Variants in CATSPERB observed in about 807,000 individuals in gnomAD.
CATSPERB encodes the protein cation channel sperm-associated auxiliary subunit beta.
A neutral mutation model predicts 128.3 loss-of-function variants in CATSPERB; 93 were observed. That is an observed-to-expected ratio of 0.72 (90% CI 0.61 to 0.86). CATSPERB has a LOEUF of 0.86. CATSPERB is among the 40% of genes least tolerant of loss of function. CATSPERB has a pLI of 0.00. For missense variants in CATSPERB, 1,153 were observed against 1,329.5 expected (o/e 0.87, Z 2.06); for synonymous variants, 381 against 448.8 (o/e 0.85, Z 1.91).
intron 10 of CATSPERB, among the ~76,000 whole-genome samples, chr14:91,686,568 T>C (rs1408385802): frequency 6.6e-6 from 1 of 152,186 alleles, no homozygotes; most frequent in African/African-American, 2.4e-5. Context: ...CTTCTACCTT[T>C]GGAACACTGT....
In CATSPERB at chr14:91,608,318, T is replaced by C. The variant is rs1187290922; in HGVS notation, c.2685A>G (p.Pro895=). 1 of 1,608,620 alleles carries C rather than the reference T, an allele frequency of 6.2e-7. No homozygotes were observed. The highest frequency in any genetic ancestry group is 2.2e-5 in the East Asian group (1 of 44,746). ...CCTTTGACATGTGAAACATGTTTCTTGGTATGGGTTTGCTAGGATCTGCAT... is the reference window on the plus strand; with the variant it reads ...CCTTTGACATGTGAAACATGTTTCTCGGTATGGGTTTGCTAGGATCTGCAT... ...FYHADPSKPI[P]RNMFHMSKKT... The change falls in exon 22 of 27, where the codon CCA becomes CCG. Residue 895 remains proline (P), a synonymous_variant. Coordinates refer to ENST00000256343, the MANE Select transcript of CATSPERB (RefSeq NM_024764.4).
intron 17 of CATSPERB, among the ~76,000 whole-genome samples, chr14:91,629,817 C>T (rs752555484): frequency 9.2e-5 from 14 of 152,064 alleles, no homozygotes; most frequent in Non-Finnish European, 1.9e-4. Flanking sequence ...GGTGATTAAG[C>T]ACTGCTGTTC....
intron 10 of CATSPERB, 138 bp downstream of exon 10, chr14:91,691,385 A>T (rs1308232488): frequency 5.0e-6 from 2 of 398,958 alleles, no homozygotes; most frequent in Non-Finnish European, 8.5e-6. Context: ...ATATAAAAAA[A>T]TATATATTTT....
intron 7 of CATSPERB, among the ~76,000 whole-genome samples, chr14:91,703,702 C>T (rs1487990029): frequency 2.6e-5 from 4 of 152,154 alleles, no homozygotes; most frequent in Non-Finnish European, 5.9e-5. Context: ...GTCACAACTC[C>T]ACGGGGACAG....
At chr14:91,684,808 G>C (rs2139840387) in intron 10 of CATSPERB, among the ~76,000 whole-genome samples, 1 of 151,842 alleles carries the variant, frequency 6.6e-6, no homozygotes, top group South Asian at 2.1e-4. Flanking sequence ...GTAGAGACAA[G>C]GTTTCACCAT....
chr14:91,582,516 C>T (rs759411174), intron 26 of CATSPERB, among the ~76,000 whole-genome samples: 3 of 152,178 alleles, frequency 2.0e-5, no homozygotes, highest in Admixed American at 6.5e-5. Context: ...ATCCACATAC[C>T]GAATTCAGAA....
intron 22 of CATSPERB, among the ~76,000 whole-genome samples, chr14:91,606,317 C>A (rs1893702898): frequency 1.3e-5 from 2 of 152,056 alleles, no homozygotes; most frequent in South Asian, 4.1e-4. Flanking sequence ...AAACTCAGCA[C>A]TTTGAGAAGC....
intron 5 of CATSPERB, among the ~76,000 whole-genome samples, chr14:91,715,333 G>T (rs563472609): frequency 1.7e-3 from 262 of 152,046 alleles, no homozygotes; most frequent in Non-Finnish European, 2.8e-3. Context: ...AGGCCGAGGT[G>T]GGTGGATCAC....
chr14:91,601,240 G>A (rs1156379124), intron 22 of CATSPERB, among the ~76,000 whole-genome samples: 2 of 152,152 alleles, frequency 1.3e-5, no homozygotes, highest in Non-Finnish European at 2.9e-5. Flanking sequence ...AGAAAGTATT[G>A]CCATTGAAAG....
chr14:91,718,050 TA>T (rs1439044883), intron 5 of CATSPERB, among the ~76,000 whole-genome samples: 1 of 152,190 alleles, frequency 6.6e-6, no homozygotes, highest in Non-Finnish European at 1.5e-5. Context: ...TTTCTAAAAT[TA>T]AAGTTTGTAA....
At position 91,713,951 on chromosome 14, in the gene CATSPERB, A is replaced by T. The variant is rs192606680; in HGVS notation, c.370+5467T>A. Among the ~76,000 whole-genome samples, 9 of 152,334 alleles carry T rather than the reference A, an allele frequency of 5.9e-5. No homozygotes were observed. The East Asian group carries it at 1.7e-3, about 29-fold the overall frequency. On this transcript the variant is annotated intron_variant, in intron 5 of 26. Transcript: ENST00000256343. ...CAGGAATATATAAATAAGATAATAC[A>T]TCATGACCAAGTGTTGTTTGTCCTA...
At chr14:91,604,346 G>C (rs891198071) in intron 22 of CATSPERB, 10 of 801,190 alleles carry the variant, frequency 1.2e-5, no homozygotes, top group African/African-American at 6.7e-5. Flanking sequence ...GGAGGGGAGA[G>C]GAAGGATTCA....
chr14:91,632,105 T>C (rs1381769884), intron 17 of CATSPERB, among the ~76,000 whole-genome samples: 3 of 151,950 alleles, frequency 2.0e-5, no homozygotes, highest in Non-Finnish European at 4.4e-5. Context: ...TGAAGACAAA[T>C]ATATTAGTAA....
intron 6 of CATSPERB, among the ~76,000 whole-genome samples, chr14:91,707,437 ATAAT>A (rs1895750792): frequency 6.6e-6 from 1 of 151,604 alleles, no homozygotes; most frequent in Non-Finnish European, 1.5e-5. Flanking sequence ...TTACTATTGA[ATAAT>A]TAGTAACATT....
At chr14:91,717,955 G>C (rs1895970381) in intron 5 of CATSPERB, among the ~76,000 whole-genome samples, 2 of 152,176 alleles carry the variant, frequency 1.3e-5, no homozygotes, top group Admixed American at 1.3e-4. Context: ...TATCAGGAGA[G>C]GAAGAGCTAA....
intron 1 of CATSPERB, among the ~76,000 whole-genome samples, chr14:91,731,136 T>G (rs1298819583): frequency 6.6e-6 from 1 of 152,200 alleles, no homozygotes; most frequent in Admixed American, 6.5e-5. Flanking sequence ...TATTAGAATC[T>G]TTATGCCTCT....
intron 7 of CATSPERB, among the ~76,000 whole-genome samples, chr14:91,698,737 G>A (rs1200761611): frequency 6.6e-6 from 1 of 152,198 alleles, no homozygotes. Context: ...TGGGGTACAA[G>A]TAGTTTTTTG....
intron 2 of CATSPERB, among the ~76,000 whole-genome samples, chr14:91,728,674 T>A (rs1017527391): frequency 2.0e-5 from 3 of 152,310 alleles, no homozygotes; most frequent in Non-Finnish European, 2.9e-5. Context: ...CACAGAAAAT[T>A]ACTCTTTCGC....
At chr14:91,590,876 C>A (rs1220751356) in intron 23 of CATSPERB, among the ~76,000 whole-genome samples, 2 of 151,878 alleles carry the variant, frequency 1.3e-5, no homozygotes, top group African/African-American at 4.8e-5. Context: ...TGGTCTCAAT[C>A]TCCTGACCTC....
Sources: gnomAD v4.1 joint callset for allele counts (sites outside exome capture counted in the v4.1 genomes callset) on GRCh38, gnomAD v4.1.1 for gene constraint, MANE v1.5 for transcripts, NCBI Gene and HGNC (gene_info 2026-07-23, HGNC 2026-07-21) for gene names.